NAALADL1: variants seen among roughly 807,000 people sequenced by gnomAD.
NAALADL1 encodes the protein aminopeptidase NAALADL1.
Under a neutral mutation model 82.8 loss-of-function variants are expected in NAALADL1, and 77 were observed. The observed-to-expected ratio is 0.93, with a 90% CI of 0.77 to 1.12. The LOEUF is 1.12. NAALADL1 is among the 50% of genes most tolerant of loss of function. NAALADL1 has a pLI of 0.00. For missense variants in NAALADL1, 956 were observed against 964.0 expected (o/e 0.99, Z 0.11); for synonymous variants, 358 against 399.2 (o/e 0.90, Z 1.23).
rs757731741 is a variant in NAALADL1 at position 65,053,606 on chromosome 11, CTT to C, written c.993-32_993-31del. On this transcript the variant is annotated intron_variant, in intron 6 of 17. Coordinates refer to ENST00000358658, the MANE Select transcript of NAALADL1 (RefSeq NM_005468.3). The surrounding 1 kb of genome is among the most constrained non-coding windows in gnomAD (Gnocchi z 4.3). ...GGAGGGTGAAGGGTGTGAGAAGACT[CTT>C]GGCCTTGCCCACTGCCCCCGACCCA... is the stretch of plus-strand genomic sequence containing the variant. 2.2e-5 allele frequency: 34 copies of C among 1,554,518 alleles called. No homozygotes were observed. Among genetic ancestry groups the C allele is most frequent in the Non-Finnish European group, 2.8e-5 (32 of 1,147,084 alleles).
Position 65,054,789 on chromosome 11 carries a change from T to C in NAALADL1, c.604-51A>G. 4 of 1,577,556 alleles carry C rather than the reference T, an allele frequency of 2.5e-6. No homozygotes were observed. The highest frequency in any genetic ancestry group is 3.4e-6 in the Non-Finnish European group (4 of 1,161,478). ...GTAAGGGAGGGACCGGGACCAGATA[T>C]GTCCTATTCCTCTTCCTCCTTCCTC... On this transcript the variant is annotated intron_variant, in intron 4 of 17. Coordinates refer to ENST00000358658, the MANE Select transcript of NAALADL1 (RefSeq NM_005468.3). The surrounding 1 kb of genome is among the most constrained non-coding windows in gnomAD (Gnocchi z 4.3).
chr11:65,046,069 G>A lies in NAALADL1; in HGVS notation c.1901C>T (p.Ala634Val), dbSNP rs1315702866. Residue 634 changes from alanine (A) to valine (V), a missense_variant, in exon 16 of 18, where the codon GCC (alanine) becomes GTC (valine). By Grantham distance (64) the Ala-to-Val change is moderately conservative (BLOSUM62 0). Transcript: ENST00000358658. ...CAGTGTTGATATGCGTTGGCCCAAGGCTGCAGCTTCTGCCTCAAACTTCTC... is the reference window on the plus strand; with the variant it reads ...CAGTGTTGATATGCGTTGGCCCAAGACTGCAGCTTCTGCCTCAAACTTCTC... ...AVEKFEAEAA[A>V]LGQRISTLQK... 4 of 1,614,098 alleles carry A rather than the reference G, an allele frequency of 2.5e-6. No individual in the cohort carries two copies. Among genetic ancestry groups the A allele is most frequent in the Non-Finnish European group, 3.4e-6 (4 of 1,180,022 alleles).
upstream of NAALADL1, among the ~76,000 whole-genome samples, chr11:65,060,148 G>A (rs967019167): frequency 1.3e-5 from 2 of 151,210 alleles, no homozygotes; most frequent in Admixed American, 1.3e-4. Context: ...GTGTGTGTGT[G>A]CACGTGCATG....
Position 65,053,006 on chromosome 11 carries a change from G to A in NAALADL1, c.1198+212C>T, listed in dbSNP as rs1946929356. Among the ~76,000 whole-genome samples, 1 of 152,264 alleles carries A rather than the reference G, an allele frequency of 6.6e-6. No individual in the cohort carries two copies. Among genetic ancestry groups the A allele is most frequent in the Non-Finnish European group, 1.5e-5 (1 of 68,050 alleles). Reference sequence around the variant, plus strand: ...GGGCCTTGCTCCATCCAGGCACACGGGAGGCACTTGGAAGCGGCACATGAA... The same window carrying A: ...GGGCCTTGCTCCATCCAGGCACACGAGAGGCACTTGGAAGCGGCACATGAA... On this transcript the variant is annotated intron_variant, in intron 8 of 17. Coordinates refer to ENST00000358658, the MANE Select transcript of NAALADL1 (RefSeq NM_005468.3). The surrounding 1 kb of genome is among the most constrained non-coding windows in gnomAD (Gnocchi z 4.3).
Position 65,057,503 on chromosome 11 carries a change from A to G in NAALADL1, c.481-10T>C, listed in dbSNP as rs1947073826. The G allele has an allele frequency of 1.9e-6, 3 of 1,611,324 alleles. No homozygotes were observed. Among genetic ancestry groups the G allele is most frequent in the South Asian group, 1.1e-5 (1 of 90,732 alleles). On this transcript the variant is annotated splice_polypyrimidine_tract_variant and intron_variant, in intron 3 of 17. Coordinates refer to ENST00000358658, the MANE Select transcript of NAALADL1 (RefSeq NM_005468.3). ...CATAGACGAGGAGGCCCTAGTCCCAAGAGGGGGTGATCCTTAGAGCTGGGC... is the reference window on the plus strand; with the variant it reads ...CATAGACGAGGAGGCCCTAGTCCCAGGAGGGGGTGATCCTTAGAGCTGGGC...
In NAALADL1 at chr11:65,054,521, T is replaced by C. The variant is rs758730555; in HGVS notation, c.821A>G (p.Asn274Ser). The change falls in exon 5 of 18, where the codon AAT becomes AGT. Residue 274 changes from asparagine (N) to serine (S), a missense_variant. Asn to Ser is a conservative substitution (Grantham distance 46). Transcript: ENST00000358658. The surrounding 1 kb of genome is among the most constrained non-coding windows in gnomAD (Gnocchi z 4.3). ...AGGAATTGGGGGAAATCCGGAGACA[T>C]TGGCAAGGTCCACGCGGAAGGAAGA... ...VPSSFRVDLA[N>S]VSGFPPIPTQ... The C allele has an allele frequency of 6.8e-6, 11 of 1,613,652 alleles. No individual in the cohort carries two copies. The highest frequency in any genetic ancestry group is 3.3e-5 in the South Asian group (3 of 91,054).
In NAALADL1 at chr11:65,045,610, T is replaced by A; in HGVS notation, c.2037-153A>T. On this transcript the variant is annotated intron_variant, in intron 17 of 17. Coordinates refer to ENST00000358658, the MANE Select transcript of NAALADL1 (RefSeq NM_005468.3). ...GAAGGCCAGGGAGCTCTTACAGCAG[T>A]GGCGGTCGGGGGAGGAAATGTGGGT... The A allele has an allele frequency of 2.1e-6, 2 of 960,694 alleles. 1 individual carries two copies. 59.5% of individuals were successfully genotyped at this position (960,694 alleles called of 1,614,324 possible).
chr11:65,045,409 GC>G lies in NAALADL1; in HGVS notation c.2084del (p.Gly695AlafsTer30), dbSNP rs1438918615. On this transcript the variant is annotated frameshift_variant, in exon 18 of 18. Coordinates refer to ENST00000358658, the MANE Select transcript of NAALADL1 (RefSeq NM_005468.3). LOFTEE classifies it high-confidence loss of function. ...PRTGSVVTFP[G>X]LSNACSRARD... is the part of the protein sequence containing the mutation. ...TGGCCCTGGAGCAGGCATTGGATAG[GC>G]CCGGGAATGTGACTACGGAGCCCGT... 6.2e-7 allele frequency: 1 copy of G among 1,613,108 alleles called. No homozygotes were observed. The highest frequency in any genetic ancestry group is 2.2e-5 in the East Asian group (1 of 44,870).
upstream of NAALADL1, among the ~76,000 whole-genome samples, chr11:65,059,950 CT>C (rs1388015231): frequency 1.3e-5 from 2 of 152,228 alleles, no homozygotes; most frequent in Non-Finnish European, 2.9e-5. Flanking sequence ...CATACTGAGC[CT>C]CTTCCAGACC....
At chr11:65,055,874 A>T (rs1590771235) in intron 4 of NAALADL1, among the ~76,000 whole-genome samples, 14 of 119,008 alleles carry the variant, frequency 1.2e-4, no homozygotes, top group Admixed American at 1.7e-4. Flanking sequence ...CCCAGCTCTT[A>T]TTATGGACAC....
Position 65,047,927 on chromosome 11 carries a change from C to T in NAALADL1, c.1416+54G>A. The T allele has an allele frequency of 2.0e-6, 3 of 1,509,178 alleles. No individual in the cohort carries two copies. In the South Asian group the frequency reaches 3.7e-5, roughly 18 times the overall value. The allele number at this position is 1,509,178 out of a possible 1,614,324, so 93.5% of individuals were successfully genotyped here. ...CGCCCACCCGTAGCGGCCCCGTCCG[C>T]CGCACGCGGCCCGCCCCAGCTAGTT... is the stretch of plus-strand genomic sequence containing the variant. On this transcript the variant is annotated intron_variant, in intron 11 of 17. Transcript: ENST00000358658.
Position 65,054,497 on chromosome 11 carries a change from G to C in NAALADL1, c.845C>G (p.Pro282Arg). The change falls in exon 5 of 18, where the codon CCT becomes CGT. Residue 282 changes from proline (P) to arginine (R), a missense_variant. By Grantham distance (103) the Pro-to-Arg change is moderately radical (BLOSUM62 -2). Coordinates refer to ENST00000358658, the MANE Select transcript of NAALADL1 (RefSeq NM_005468.3). This position sits in a 1 kb window ranked among gnomAD's most constrained non-coding sequence, Gnocchi z 4.3. ...LANVSGFPPI[P>R]TQPIGFQDAR... ...ATCCTGGAAGCCAATGGGCTGTGTAGGAATTGGGGGAAATCCGGAGACATT... is the reference window on the plus strand; with the variant it reads ...ATCCTGGAAGCCAATGGGCTGTGTACGAATTGGGGGAAATCCGGAGACATT... 6.2e-7 allele frequency: 1 copy of C among 1,614,104 alleles called. No individual in the cohort carries two copies.
intron 8 of NAALADL1, among the ~76,000 whole-genome samples, chr11:65,052,311 C>CT (rs1260227423): frequency 6.6e-6 from 1 of 151,920 alleles, no homozygotes; most frequent in African/African-American, 2.4e-5. Flanking sequence ...TGCCCTTCCC[C>CT]TGCTCCCCGC....
chr11:65,049,083 C>A (rs529236331), intron 8 of NAALADL1, among the ~76,000 whole-genome samples: 1 of 152,108 alleles, frequency 6.6e-6, no homozygotes, highest in African/African-American at 2.4e-5. Context: ...TGCAGTGGTG[C>A]GATCTCGGCT....
In NAALADL1 at chr11:65,046,298, GC is replaced by G. The variant is rs1213769769; in HGVS notation, c.1745del (p.Ser582ThrfsTer41). ...AGSVILRLSDSFFLPLKVSDY... is the reference protein window; with the variant it reads ...AGSVILRLSDXFFLPLKVSDY... ...CACTGACTTTGAGGGGCAGGAAGAA[GC>G]TGTCACTGAGCCGGAGAATCACACT... is the stretch of plus-strand genomic sequence containing the variant. On this transcript the variant is annotated frameshift_variant, in exon 15 of 18. Transcript: ENST00000358658. LOFTEE classifies it high-confidence loss of function. 6.2e-7 allele frequency: 1 copy of G among 1,614,090 alleles called. No individual in the cohort carries two copies. The highest frequency in any genetic ancestry group is 8.5e-7 in the Non-Finnish European group (1 of 1,180,046).
chr11:65,050,134 C>A (rs1946847810), intron 8 of NAALADL1, among the ~76,000 whole-genome samples: 1 of 150,998 alleles, frequency 6.6e-6, no homozygotes, highest in Non-Finnish European at 1.5e-5. Flanking sequence ...CCCCGGCCTT[C>A]CAAAGTGCTG....
chr11:65,047,344 T>C (rs1946757383), intron 13 of NAALADL1, 131 bp downstream of exon 13: 5 of 749,164 alleles, frequency 6.7e-6, no homozygotes, highest in Non-Finnish European at 1.1e-5. Flanking sequence ...TGTGTGTTTT[T>C]TTTTAAGAAA....
Position 65,058,148 on chromosome 11 carries a change from C to T in NAALADL1, c.288G>A (p.Ser96=), listed in dbSNP as rs769162577. The part of the protein sequence containing the change: ...RWKDPESGLD[S]AEASTYEVLL... ...GCACTTCGTACGTGGAGGCCTCGGC[C>T]GAGTCCAGGCCTGACTCTGGGTCCT... Residue 96 remains serine (S), a synonymous_variant, in exon 2 of 18, where the codon TCG becomes TCA. Transcript: ENST00000358658. The T allele has an allele frequency of 4.3e-6, 7 of 1,613,914 alleles. No individual in the cohort carries two copies. The highest frequency in any genetic ancestry group is 2.2e-5 in the East Asian group (1 of 44,876).
chr11:65,055,623 A>C (rs1237913023), intron 4 of NAALADL1, among the ~76,000 whole-genome samples: 1 of 152,186 alleles, frequency 6.6e-6, no homozygotes, highest in African/African-American at 2.4e-5. Context: ...ATTCATAGAG[A>C]CAGAAAGTAG....
Sources: allele counts gnomAD v4.1 joint callset (sites outside exome capture counted in the v4.1 genomes callset), GRCh38; gene constraint gnomAD v4.1.1; non-coding constraint Gnocchi (gnomAD v3.1); transcripts MANE v1.5; gene names NCBI Gene and HGNC (gene_info 2026-07-23, HGNC 2026-07-21).